Variants in CDH12 observed in about 807,000 individuals in gnomAD.
The protein encoded by CDH12 is cadherin-12.
Under a neutral mutation model 74.1 loss-of-function variants are expected in CDH12, and 41 were observed. That is an observed-to-expected ratio of 0.55 (90% CI 0.43 to 0.72). The LOEUF is 0.72. Ranked by LOEUF, CDH12 falls within the 30% of genes least tolerant of loss-of-function variation. The pLI is 0.00. For synonymous variants in CDH12, 399 were observed against 355.0 expected, an observed-to-expected ratio of 1.12 and a Z score of -1.39; for missense variants, 945 against 977.2, an observed-to-expected ratio of 0.97 and a Z score of 0.44.
chr5:21,875,143 G>C (rs1751861865), intron 6 of CDH12, among the ~76,000 whole-genome samples: 1 of 152,196 alleles, frequency 6.6e-6, no homozygotes, highest in South Asian at 2.1e-4. Flanking sequence ...ATGTAAATTA[G>C]TTAACCATTG....
chr5:22,653,296 A>T (rs538322416), intron 1 of CDH12, among the ~76,000 whole-genome samples: 2 of 152,242 alleles, frequency 1.3e-5, no homozygotes, highest in Non-Finnish European at 2.9e-5. Context: ...TCATTAAGTA[A>T]CAGATTTATA....
intron 4 of CDH12, among the ~76,000 whole-genome samples, chr5:22,178,468 T>C (rs570117389): frequency 1.3e-5 from 2 of 152,324 alleles, no homozygotes; most frequent in East Asian, 1.9e-4. Flanking sequence ...TTTTCTGTTA[T>C]AAACAATGAA....
intron 5 of CDH12, among the ~76,000 whole-genome samples, chr5:21,979,872 A>T (rs1757232296): frequency 6.6e-6 from 1 of 151,816 alleles, no homozygotes; most frequent in Non-Finnish European, 1.5e-5. Flanking sequence ...ACTGACTTCC[A>T]CAATGGTTGA....
rs1748255616 is a variant in CDH12, at chr5:22,796,927, T to C, written c.-523+56131A>G. Among the ~76,000 whole-genome samples, 3 of 152,142 alleles carry C rather than the reference T, an allele frequency of 2.0e-5. No homozygotes were observed. In the South Asian group the frequency reaches 6.2e-4, roughly 31 times the overall value. On this transcript the variant is annotated intron_variant, in intron 1 of 14. Coordinates refer to ENST00000382254, the MANE Select transcript of CDH12 (RefSeq NM_004061.5). Reference sequence around the variant, plus strand: ...AAGCAAGTTTCATAAAATAATACTATGATTTAAAACTGACTCTGTGTCTAA... The same window carrying C: ...AAGCAAGTTTCATAAAATAATACTACGATTTAAAACTGACTCTGTGTCTAA...
At position 22,358,333 on chromosome 5, in the gene CDH12, C is replaced by G. The variant is rs1010963048; in HGVS notation, c.-333+46924G>C. On this transcript the variant is annotated intron_variant, in intron 3 of 14. Coordinates refer to ENST00000382254, the MANE Select transcript of CDH12 (RefSeq NM_004061.5). ...TTGAGGCAGGAGAATAACTTGAACC[C>G]GGAGGCGGAGGTTGCAGTGAGTGAA... Among the ~76,000 whole-genome samples the G allele has an allele frequency of 7.2e-5, 11 of 151,848 alleles. No individual in the cohort carries two copies. The East Asian group carries it at 7.8e-4, about 11-fold the overall frequency.
intron 2 of CDH12, among the ~76,000 whole-genome samples, chr5:22,416,999 T>C (rs899700786): frequency 6.6e-6 from 1 of 152,224 alleles, no homozygotes; most frequent in African/African-American, 2.4e-5. Flanking sequence ...TTAAACATAT[T>C]AGTCTCAAGA....
chr5:21,974,732 G>C (rs1231435118), intron 6 of CDH12, among the ~76,000 whole-genome samples: 1 of 152,088 alleles, frequency 6.6e-6, no homozygotes, highest in African/African-American at 2.4e-5. Flanking sequence ...AGGAATTACT[G>C]TCTGGCATTT....
intron 6 of CDH12, among the ~76,000 whole-genome samples, chr5:21,951,927 C>T (rs928051700): frequency 1.8e-4 from 27 of 152,090 alleles, no homozygotes; most frequent in African/African-American, 6.3e-4. Flanking sequence ...TTTTGAATAG[C>T]GTCTGTTTAT....
At chr5:22,103,571 C>T (rs1466391057) in intron 4 of CDH12, among the ~76,000 whole-genome samples, 2 of 152,270 alleles carry the variant, frequency 1.3e-5, no homozygotes, top group Non-Finnish European at 1.5e-5. Context: ...GAATCCTTAT[C>T]GCTTCTTATG....
chr5:22,700,108 A>C (rs1742634300), intron 1 of CDH12, among the ~76,000 whole-genome samples: 2 of 152,138 alleles, frequency 1.3e-5, no homozygotes, highest in Admixed American at 1.3e-4. Flanking sequence ...CAGAGGTTGC[A>C]ATGAGCCGAG....
rs1561268010 is a variant in CDH12, at chr5:21,880,562, CCCTTCT to C, written c.527-25778_527-25773del. Among the ~76,000 whole-genome samples the C allele has an allele frequency of 3.5e-3, 179 of 51,834 alleles. 8 individuals are homozygous for C. The highest frequency in any genetic ancestry group is 0.017 in the Middle Eastern group (1 of 60). 34.0% of individuals were successfully genotyped at this position (51,834 alleles called of 152,430 possible). On this transcript the variant is annotated intron_variant, in intron 6 of 14. Transcript: ENST00000382254. The stretch of plus-strand genomic sequence containing the variant: ...TCCTTCCTTCCTTCCTTCCTTCCTT[CCCTTCT>C]TTCTTTCCTTCCTTCCTTCCTTCCT...
intron 8 of CDH12, among the ~76,000 whole-genome samples, chr5:21,834,955 T>G (rs1749448183): frequency 6.6e-6 from 1 of 151,952 alleles, no homozygotes; most frequent in Non-Finnish European, 1.5e-5. Context: ...CTTTTTATTT[T>G]CCATCTATTT....
chr5:21,994,424 A>G (rs1001748101), intron 5 of CDH12, among the ~76,000 whole-genome samples: 2 of 152,170 alleles, frequency 1.3e-5, no homozygotes, highest in Non-Finnish European at 2.9e-5. Context: ...TTGTTACTCT[A>G]AAGAACAACA....
At chr5:21,852,725 T>C (rs930712629) in intron 7 of CDH12, among the ~76,000 whole-genome samples, 1 of 151,472 alleles carries the variant, frequency 6.6e-6, no homozygotes, top group Non-Finnish European at 1.5e-5. Flanking sequence ...ATCATTGTAA[T>C]CCAGTAAGTG....
At chr5:22,010,307 T>C (rs1262087937) in intron 5 of CDH12, among the ~76,000 whole-genome samples, 1 of 152,220 alleles carries the variant, frequency 6.6e-6, no homozygotes, top group African/African-American at 2.4e-5. Flanking sequence ...AGTTTTCACA[T>C]AAATAGGACA....
At chr5:21,902,550 CA>C (rs112470583) in intron 6 of CDH12, among the ~76,000 whole-genome samples, 8,472 of 152,036 alleles carry the variant, frequency 0.056, 262 homozygotes, top group Non-Finnish European at 0.062. Context: ...TCCATATAAT[CA>C]GAAAGAGTTA....
intron 5 of CDH12, among the ~76,000 whole-genome samples, chr5:21,990,344 C>T (rs974090991): frequency 6.6e-6 from 1 of 151,856 alleles, no homozygotes; most frequent in African/African-American, 2.4e-5. Context: ...GAGTTAAAAT[C>T]CATGATCCTG....
chr5:21,758,424 T>C (rs1744525513), intron 13 of CDH12, among the ~76,000 whole-genome samples: 1 of 152,206 alleles, frequency 6.6e-6, no homozygotes, highest in South Asian at 2.1e-4. Flanking sequence ...CTCTTCAAAA[T>C]ATCCTCTGAT....
intron 3 of CDH12, among the ~76,000 whole-genome samples, chr5:22,339,973 A>C (rs1739771436): frequency 6.6e-6 from 1 of 152,170 alleles, no homozygotes; most frequent in South Asian, 2.1e-4. Flanking sequence ...ATGTGTATGT[A>C]TGTATATAAG....
Sources: allele counts gnomAD v4.1 joint callset (sites outside exome capture counted in the v4.1 genomes callset), GRCh38; gene constraint gnomAD v4.1.1; transcripts MANE v1.5; gene names NCBI Gene and HGNC (gene_info 2026-07-23, HGNC 2026-07-21).